The following BRCA2 variants were observed in gnomAD, a reference collection of about 807,000 sequenced individuals.
BRCA2 encodes BRCA2 DNA repair associated, also known as breast cancer type 2 susceptibility protein.
BRCA2 carries 203 observed loss-of-function variants against 276.7 expected under a neutral mutation model. That is an observed-to-expected ratio of 0.73 (90% CI 0.65 to 0.82). BRCA2 has a LOEUF of 0.82. Ranked by LOEUF, BRCA2 falls within the 40% of genes least tolerant of loss-of-function variation. The probability of loss-of-function intolerance (pLI) is 0.00; values close to 1 mark genes in which losing one functional copy is unlikely to be tolerated. For missense variants in BRCA2, 3,920 were observed against 3,915.0 expected (o/e 1.00, Z -0.03); for synonymous variants, 1,289 against 1,338.4 (o/e 0.96, Z 0.81).
chr13:32,369,775 T>C (rs2072814710), intron 18 of BRCA2, among the ~76,000 whole-genome samples: 1 of 152,174 alleles, frequency 6.6e-6, no homozygotes, highest in South Asian at 2.1e-4. Context: ...GGTTTCACCA[T>C]GTTGGCCCGG....
At chr13:32,378,640 G>T (rs960657371) in intron 21 of BRCA2, among the ~76,000 whole-genome samples, 1 of 152,026 alleles carries the variant, frequency 6.6e-6, no homozygotes, top group African/African-American at 2.4e-5. Flanking sequence ...GCAGCAGTCT[G>T]GTATGTTACA....
chr13:32,357,492 G>A lies in BRCA2; in HGVS notation c.7618-250G>A, dbSNP rs142832766. Among the ~76,000 whole-genome samples the A allele has an allele frequency of 1.4e-3, 210 of 152,234 alleles. No homozygotes were observed. Among genetic ancestry groups the A allele is most frequent in the African/African-American group, 4.7e-3 (196 of 41,530 alleles). ...TTTTATCCTCACAGTACCTTCCTAT[G>A]GCAGATTTAGCAGGAGGCGTATAAA... On this transcript the variant is annotated intron_variant, in intron 15 of 26. Transcript: ENST00000380152.
chr13:32,397,512 A>G (rs760036824), intron 26 of BRCA2, among the ~76,000 whole-genome samples: 5 of 152,240 alleles, frequency 3.3e-5, no homozygotes, highest in Non-Finnish European at 7.3e-5. Flanking sequence ...TCCTCACTTA[A>G]CATTGTCAAT....
At chr13:32,367,080 C>A (rs1482606020) in intron 18 of BRCA2, among the ~76,000 whole-genome samples, 6 of 152,022 alleles carry the variant, frequency 3.9e-5, no homozygotes, top group Non-Finnish European at 8.8e-5. Flanking sequence ...GTCAAAAGGA[C>A]TTAGGAGTGT....
intron 2 of BRCA2, among the ~76,000 whole-genome samples, chr13:32,317,527 A>G (rs940612697): frequency 6.6e-6 from 1 of 152,252 alleles, no homozygotes; most frequent in Non-Finnish European, 1.5e-5. Flanking sequence ...TCAAAGATCT[A>G]ATAGATATAC....
At chr13:32,359,199 G>C (rs926742148) in intron 16 of BRCA2, among the ~76,000 whole-genome samples, 2 of 141,280 alleles carry the variant, frequency 1.4e-5, no homozygotes, top group Non-Finnish European at 3.0e-5. Flanking sequence ...TGCAGCCTGG[G>C]CAACAGTGAG....
intron 21 of BRCA2, among the ~76,000 whole-genome samples, chr13:32,377,975 AC>A (rs1422719306): frequency 6.6e-6 from 1 of 152,182 alleles, no homozygotes; most frequent in African/African-American, 2.4e-5. Context: ...CCGAAATGTT[AC>A]AATTTGGGTT....
Position 32,371,019 on chromosome 13 carries a change from G to T in BRCA2, c.8551G>T (p.Ala2851Ser), listed in dbSNP as rs876658592. The T allele has an allele frequency of 6.2e-7, 1 of 1,614,018 alleles. No individual in the cohort carries two copies. Among genetic ancestry groups the T allele is most frequent in the African/African-American group, 1.3e-5 (1 of 74,922 alleles). The change falls in exon 20 of 27, where the codon GCA (alanine) becomes TCA (serine). Residue 2851 changes from alanine (A) to serine (S), a missense_variant. Ala to Ser is a moderately conservative substitution (Grantham distance 99). Transcript: ENST00000380152. ...FRNEREEEKE[A>S]AKYVEAQQKR... The stretch of plus-strand genomic sequence containing the variant: ...CAATGAAAGAGAGGAAGAAAAGGAA[G>T]CAGCAAAATATGTGGAGGCCCAACA...
At chr13:32,396,833 A>G (rs2073039438) in intron 25 of BRCA2, 65 bp from the exon 26 acceptor site, 2 of 1,589,836 alleles carry the variant, frequency 1.3e-6, no homozygotes, top group East Asian at 2.2e-5. Flanking sequence ...TAAAGGAAAT[A>G]CTTTTGGAAA....
chr13:32,359,126 G>T (rs994127515), intron 16 of BRCA2, among the ~76,000 whole-genome samples: 5 of 150,466 alleles, frequency 3.3e-5, no homozygotes, highest in African/African-American at 9.8e-5. Flanking sequence ...GGAGGCCGAG[G>T]CAGGAAAATC....
At chr13:32,396,498 ATTCT>A (rs2073038005) in intron 25 of BRCA2, among the ~76,000 whole-genome samples, 1 of 152,198 alleles carries the variant, frequency 6.6e-6, no homozygotes, top group African/African-American at 2.4e-5. Context: ...AGGTGAGGCA[ATTCT>A]TTCTTTTCTC....
chr13:32,327,985 A>G (rs562775522), intron 7 of BRCA2, among the ~76,000 whole-genome samples: 4 of 151,926 alleles, frequency 2.6e-5, no homozygotes, highest in Non-Finnish European at 5.9e-5. Flanking sequence ...GGGTCCCGCC[A>G]TGTTGCCCAC....
intron 24 of BRCA2, among the ~76,000 whole-genome samples, chr13:32,392,618 T>C (rs985298829): frequency 1.3e-5 from 2 of 152,124 alleles, no homozygotes; most frequent in Non-Finnish European, 2.9e-5. Flanking sequence ...TTATAACTCT[T>C]TATTTTGAAC....
Position 32,316,090 on chromosome 13 carries a change from G to T in BRCA2, c.-39-332G>T, listed in dbSNP as rs9567552. 0.23 allele frequency among the ~76,000 whole-genome samples: 34,428 copies of T among 152,126 alleles called. 4,017 individuals carry two copies. The highest frequency in any genetic ancestry group is 0.35 in the East Asian group (1,814 of 5,186). On this transcript the variant is annotated intron_variant, in intron 1 of 26. Transcript: ENST00000380152. Reference sequence around the variant, plus strand: ...AATTGCTGTATTCCGAAGACATGCTGATGGGAATTACCAGGCGGCGTTGGT... The same window carrying T: ...AATTGCTGTATTCCGAAGACATGCTTATGGGAATTACCAGGCGGCGTTGGT...
At position 32,394,771 on chromosome 13, in the gene BRCA2, T is replaced by C. The variant is rs775952688; in HGVS notation, c.9339T>C (p.Ile3113=). ...TTTGGATAGACCTTAATGAGGACAT[T>C]ATTAAGCCTCATATGTTAATTGCTG... is the stretch of plus-strand genomic sequence containing the variant. ...IKFWIDLNED[I]IKPHMLIAAS... is the part of the protein sequence containing the mutation. The change falls in exon 25 of 27, where the codon ATT becomes ATC. Residue 3113 remains isoleucine, a synonymous_variant. Transcript: ENST00000380152. The C allele has an allele frequency of 6.2e-7, 1 of 1,614,098 alleles. No individual in the cohort carries two copies. Among genetic ancestry groups the C allele is most frequent in the South Asian group, 1.1e-5 (1 of 91,076 alleles).
At chr13:32,374,569 G>T (rs910253787) in intron 20 of BRCA2, among the ~76,000 whole-genome samples, 4 of 152,268 alleles carry the variant, frequency 2.6e-5, no homozygotes, top group Admixed American at 2.6e-4. Flanking sequence ...GATCTCTAGC[G>T]CAGGGGCAAA....
intron 10 of BRCA2, among the ~76,000 whole-genome samples, chr13:32,335,870 C>T (rs1231499605): frequency 6.6e-6 from 1 of 151,756 alleles, no homozygotes; most frequent in Non-Finnish European, 1.5e-5. Context: ...TGAGCACTAC[C>T]TTTTAATTAA....
intron 9 of BRCA2, among the ~76,000 whole-genome samples, chr13:32,331,237 A>T (rs2072389622): frequency 6.6e-6 from 1 of 152,122 alleles, no homozygotes; most frequent in South Asian, 2.1e-4. Context: ...TTTTTAGTAG[A>T]GATGGCATTT....
rs80359029 is a variant in BRCA2, at chr13:32,363,180, T to G, written c.7978T>G (p.Tyr2660Asp). 3 of 1,612,898 alleles carry G rather than the reference T, an allele frequency of 1.9e-6. No homozygotes were observed. Among genetic ancestry groups the G allele is most frequent in the Non-Finnish European group, 2.5e-6 (3 of 1,179,300 alleles). The change falls in exon 18 of 27, where the codon TAT (tyrosine) becomes GAT (aspartate). Residue 2660 changes from tyrosine (Y) to aspartate (D), a missense_variant and splice_region_variant. Transcript: ENST00000380152. ...ATGCATTTTTGTTTTCACTTTTAGA[T>G]ATGATACGGAAATTGATAGAAGCAG... ...ERVLLQLKYR[Y>D]DTEIDRSRRS...
Sources: allele counts gnomAD v4.1 joint callset (sites outside exome capture counted in the v4.1 genomes callset), GRCh38; gene constraint gnomAD v4.1.1; transcripts MANE v1.5; gene names NCBI Gene and HGNC (gene_info 2026-07-23, HGNC 2026-07-21).